The following FGD5 variants were observed in gnomAD, a reference collection of about 807,000 sequenced individuals.
The protein encoded by FGD5 is FYVE, RhoGEF and PH domain containing 5, also known as FYVE, RhoGEF and PH domain-containing protein 5.
In FGD5, 28 loss-of-function variants were observed where a neutral mutation model predicts 133.4. The observed-to-expected ratio is 0.21, with a 90% CI of 0.16 to 0.29. FGD5 has a LOEUF of 0.29. FGD5 is among the 10% of genes least tolerant of loss of function. The pLI, the probability that FGD5 is intolerant of heterozygous loss-of-function variation, is 1.00. For synonymous variants in FGD5, 810 were observed against 776.5 expected, an observed-to-expected ratio of 1.04 and a Z score of -0.72; for missense variants, 1,858 against 1,895.2, an observed-to-expected ratio of 0.98 and a Z score of 0.36.
chr3:14,910,820 G>A (rs1333290784), intron 10 of FGD5, 41 bp from the exon 11 acceptor site: 3 of 1,588,116 alleles, frequency 1.9e-6, no homozygotes, highest in South Asian at 2.3e-5. Context: ...GGATTCAGGG[G>A]GCATCAGCCT....
At position 14,922,495 on chromosome 3, in the gene FGD5, G is replaced by A. The variant is rs755747409; in HGVS notation, c.3754G>A (p.Gly1252Ser). The A allele has an allele frequency of 4.7e-5, 75 of 1,582,478 alleles. No individual in the cohort carries two copies. The highest frequency in any genetic ancestry group is 6.2e-5 in the Non-Finnish European group (72 of 1,164,460). Residue 1252 changes from glycine to serine, a missense_variant, in exon 15 of 20, where the codon GGC (glycine) becomes AGC (serine). Gly to Ser is a moderately conservative substitution (Grantham distance 56). This residue lies in a region of FGD5 where 1,824 missense variants were observed against 1,848.9 expected (regional missense o/e 0.99). Transcript: ENST00000285046. The surrounding 1 kb of genome is among the most constrained non-coding windows in gnomAD (Gnocchi z 4.1). ...VTHVMMCMNC[G>S]CDFSLTLRRH... is the part of the protein sequence containing the mutation. Reference sequence around the variant, plus strand: ...ACACGTCATGATGTGCATGAACTGCGGCTGCGACTTCTCCCTCACCCTGCG... The same window carrying A: ...ACACGTCATGATGTGCATGAACTGCAGCTGCGACTTCTCCCTCACCCTGCG...
intron 1 of FGD5, among the ~76,000 whole-genome samples, chr3:14,836,046 G>T (rs987833272): frequency 6.6e-6 from 1 of 152,218 alleles, no homozygotes; most frequent in African/African-American, 2.4e-5. Flanking sequence ...GGATCACATA[G>T]CTGGCAGGTG....
chr3:14,894,189 T>G (rs2038088775), intron 4 of FGD5, among the ~76,000 whole-genome samples: 1 of 152,232 alleles, frequency 6.6e-6, no homozygotes. Context: ...CTACCACATA[T>G]GAGTGGGAAC....
chr3:14,841,608 A>T (rs2036923059), intron 1 of FGD5, among the ~76,000 whole-genome samples: 1 of 151,884 alleles, frequency 6.6e-6, no homozygotes, highest in African/African-American at 2.4e-5. Context: ...ATACAGGAAA[A>T]GTCACAGCTA....
chr3:14,915,623 C>T (rs564124823), intron 11 of FGD5, among the ~76,000 whole-genome samples: 57 of 151,808 alleles, frequency 3.8e-4, no homozygotes, highest in African/African-American at 1.3e-3. Context: ...TTGATGTTGG[C>T]GCCATATGTC....
chr3:14,832,992 C>T (rs1213031048), intron 1 of FGD5, among the ~76,000 whole-genome samples: 1 of 152,152 alleles, frequency 6.6e-6, no homozygotes, highest in Non-Finnish European at 1.5e-5. Context: ...ATTTATTATC[C>T]GTGCTTATAA....
chr3:14,893,203 A>G (rs891490263), intron 4 of FGD5, among the ~76,000 whole-genome samples: 3 of 152,208 alleles, frequency 2.0e-5, no homozygotes, highest in African/African-American at 4.8e-5. Flanking sequence ...ATAGATGTAC[A>G]TAGTTTCAGG....
intron 1 of FGD5, among the ~76,000 whole-genome samples, chr3:14,846,205 G>C (rs1023345201): frequency 6.6e-6 from 1 of 152,180 alleles, no homozygotes; most frequent in Non-Finnish European, 1.5e-5. Context: ...TGAAATGTGG[G>C]AGAGGCATGT....
At position 14,827,285 on chromosome 3, in the gene FGD5, T is replaced by C. The variant is rs61264836; in HGVS notation, c.2525+5689T>C. Reference sequence around the variant, plus strand: ...AATTGCCACATTTCTGGTATTCTTTTTTTTTTTTTTTTTTTTTTTTTGAGA... The same window carrying C: ...AATTGCCACATTTCTGGTATTCTTTCTTTTTTTTTTTTTTTTTTTTTGAGA... On this transcript the variant is annotated intron_variant, in intron 1 of 19. Transcript: ENST00000285046. 1.8e-4 allele frequency among the ~76,000 whole-genome samples: 23 copies of C among 129,408 alleles called. 1 individual carries two copies. Among genetic ancestry groups the C allele is most frequent in the African/African-American group, 6.7e-4 (23 of 34,476 alleles). 84.9% of individuals were successfully genotyped at this position (129,408 alleles called of 152,430 possible).
At position 14,880,611 on chromosome 3, in the gene FGD5, C is replaced by T; in HGVS notation, c.2698C>T (p.Leu900=). 3 of 1,613,992 alleles carry T rather than the reference C, an allele frequency of 1.9e-6. No individual in the cohort carries two copies. Among genetic ancestry groups the T allele is most frequent in the Non-Finnish European group, 1.7e-6 (2 of 1,179,900 alleles). ...CAGAGCCCTTGTCATCGCACAGGAA[C>T]TGCTATCTTCAGAGAAAGCGTGAGT... ...QSRALVIAQE[L]LSSEKAYVEM... is the part of the protein sequence containing the mutation. Residue 900 remains leucine, a synonymous_variant, in exon 3 of 20, where the codon CTG becomes TTG. Coordinates refer to ENST00000285046, the MANE Select transcript of FGD5 (RefSeq NM_152536.4).
At chr3:14,843,224 T>C (rs1198330085) in intron 1 of FGD5, among the ~76,000 whole-genome samples, 2 of 152,174 alleles carry the variant, frequency 1.3e-5, no homozygotes, top group Admixed American at 6.5e-5. Context: ...GCACAGTACT[T>C]GGCACATAGC....
chr3:14,865,269 A>G (rs974086730), intron 2 of FGD5, among the ~76,000 whole-genome samples: 1 of 152,156 alleles, frequency 6.6e-6, no homozygotes. Context: ...TTCCAAGCCT[A>G]GGTTAGTTTT....
At position 14,907,680 on chromosome 3, in the gene FGD5, G is replaced by A. The variant is rs773445228; in HGVS notation, c.3305G>A (p.Arg1102Gln). The change falls in exon 10 of 20, where the codon CGG (arginine) becomes CAG (glutamine). Residue 1102 changes from arginine to glutamine, a missense_variant. Arg to Gln is a conservative substitution (Grantham distance 43, BLOSUM62 1). Transcript: ENST00000285046. ...CTGGTCCACATTGAGCACAGCGTCC[G>A]GGGCCAAGGGGATCTCCTCCAGCCA... is the stretch of plus-strand genomic sequence containing the variant. Reference protein sequence around the residue: ...QKLVHIEHSVRGQGDLLQPGR... With the variant: ...QKLVHIEHSVQGQGDLLQPGR... 1.6e-5 allele frequency: 26 copies of A among 1,613,664 alleles called. No individual in the cohort carries two copies. Among genetic ancestry groups the A allele is most frequent in the Non-Finnish European group, 1.9e-5 (23 of 1,179,694 alleles).
intron 1 of FGD5, among the ~76,000 whole-genome samples, chr3:14,856,027 T>G (rs187472755): frequency 3.3e-5 from 5 of 152,332 alleles, no homozygotes; most frequent in Admixed American, 2.0e-4. Flanking sequence ...ATTTAGGTCT[T>G]TGATCCCTTT....
intron 18 of FGD5, 189 bp from the exon 19 acceptor site, chr3:14,932,388 C>T (rs114586619): frequency 0.011 from 6,514 of 596,316 alleles, 49 homozygotes; most frequent in Non-Finnish European, 0.015. Context: ...CAGCCAGTGT[C>T]GTTTCTTTCC....
At chr3:14,837,673 A>G (rs1177009446) in intron 1 of FGD5, among the ~76,000 whole-genome samples, 1 of 152,084 alleles carries the variant, frequency 6.6e-6, no homozygotes, top group Non-Finnish European at 1.5e-5. Context: ...ATCAGCAGTG[A>G]TTATGCTCAT....
chr3:14,907,574 A>G, intron 9 of FGD5, 66 bp from the exon 10 acceptor site: 1 of 1,459,262 alleles, frequency 6.9e-7, no homozygotes, highest in Non-Finnish European at 9.5e-7. Context: ...GCCATGCCTT[A>G]CAGAGGAGAT....
chr3:14,898,411 C>G (rs1160283644), intron 6 of FGD5, among the ~76,000 whole-genome samples: 2 of 152,200 alleles, frequency 1.3e-5, no homozygotes, highest in African/African-American at 2.4e-5. Flanking sequence ...ATTCCCAACA[C>G]TAGCCACAAA....
At position 14,900,461 on chromosome 3, in the gene FGD5, C is replaced by A. The variant is rs2038217017; in HGVS notation, c.3205+8C>A. On this transcript the variant is annotated splice_region_variant and intron_variant, in intron 8 of 19. Coordinates refer to ENST00000285046, the MANE Select transcript of FGD5 (RefSeq NM_152536.4). ...AGTACGACAACACACAGGGTGAGTC[C>A]AGCGTGAATGCGGAGGGAGGTACTC... 12 of 1,612,908 alleles carry A rather than the reference C, an allele frequency of 7.4e-6. No individual in the cohort carries two copies. The highest frequency in any genetic ancestry group is 1.0e-5 in the Non-Finnish European group (12 of 1,179,488).
Sources: allele counts gnomAD v4.1 joint callset (sites outside exome capture counted in the v4.1 genomes callset), GRCh38; gene constraint gnomAD v4.1.1; regional missense constraint gnomAD v4.1.1; non-coding constraint Gnocchi (gnomAD v3.1); transcripts MANE v1.5; gene names NCBI Gene and HGNC (gene_info 2026-07-23, HGNC 2026-07-21).